Variants in GPHN observed in about 807,000 individuals in gnomAD.
GPHN encodes the protein gephyrin.
GPHN carries 17 observed loss-of-function variants against 95.5 expected under a neutral mutation model. The observed-to-expected ratio is 0.18, with a 90% confidence interval of 0.12 to 0.27. The LOEUF is 0.27. GPHN is among the 10% of genes least tolerant of loss of function. The pLI is 1.00. For missense variants in GPHN, 660 were observed against 978.1 expected, an observed-to-expected ratio of 0.67 and a Z score of 4.34; for synonymous variants, 320 against 322.5, an observed-to-expected ratio of 0.99 and a Z score of 0.08.
intron 1 of GPHN, among the ~76,000 whole-genome samples, chr14:66,621,234 C>G (rs1325313333): frequency 6.6e-6 from 1 of 151,400 alleles, no homozygotes; most frequent in East Asian, 2.0e-4. Flanking sequence ...CTCGGCCTCC[C>G]AAAGTGCTGG....
chr14:66,802,675 A>T (rs1425457492), intron 3 of GPHN, among the ~76,000 whole-genome samples: 1 of 152,080 alleles, frequency 6.6e-6, no homozygotes, highest in African/African-American at 2.4e-5. Flanking sequence ...CAGTTGATGA[A>T]TCCTGCCAGG....
At chr14:67,092,644 A>G (rs1276527321) in intron 12 of GPHN, among the ~76,000 whole-genome samples, 1 of 152,156 alleles carries the variant, frequency 6.6e-6, no homozygotes, top group African/African-American at 2.4e-5. Flanking sequence ...TAAAATGACT[A>G]AGGAAATAAG....
the GPHN span, among the ~76,000 whole-genome samples, chr14:67,491,791 A>C: frequency 6.6e-6 from 1 of 152,210 alleles, no homozygotes. Flanking sequence ...TACACCAAGG[A>C]GGGGCCAAGC....
At chr14:66,593,845 T>C (rs1237953868) in intron 1 of GPHN, among the ~76,000 whole-genome samples, 2 of 152,040 alleles carry the variant, frequency 1.3e-5, no homozygotes, top group African/African-American at 4.8e-5. Flanking sequence ...GTCAAAGAAA[T>C]AAAAAGGATT....
chr14:67,572,694 T>C, the GPHN span, among the ~76,000 whole-genome samples: 7 of 152,206 alleles, frequency 4.6e-5, no homozygotes, highest in Non-Finnish European at 1.0e-4. Flanking sequence ...TTAGCCCATC[T>C]TATGGATGAG....
chr14:66,604,909 C>A (rs2062445335), intron 1 of GPHN, among the ~76,000 whole-genome samples: 1 of 137,192 alleles, frequency 7.3e-6, no homozygotes. Context: ...TCTTTCTGTC[C>A]ATATGTATTC....
At chr14:66,801,717 G>A (rs141830434) in intron 3 of GPHN, among the ~76,000 whole-genome samples, 49 of 148,854 alleles carry the variant, frequency 3.3e-4, no homozygotes, top group African/African-American at 1.2e-3. Context: ...GACTGCACTG[G>A]ATCAGGCCTG....
the GPHN span, among the ~76,000 whole-genome samples, chr14:67,525,068 T>G: frequency 2.6e-5 from 4 of 152,204 alleles, no homozygotes; most frequent in African/African-American, 4.8e-5. Flanking sequence ...TTAAAACATT[T>G]TAATAGCTTT....
chr14:67,593,385 G>C, the GPHN span: 1 of 261,280 alleles, frequency 3.8e-6, no homozygotes, highest in South Asian at 4.4e-5. Context: ...CAGCTACTCA[G>C]GAGGCTGAGG....
At chr14:66,531,535 A>G (rs1412953566) in intron 1 of GPHN, among the ~76,000 whole-genome samples, 1 of 152,232 alleles carries the variant, frequency 6.6e-6, no homozygotes, top group Admixed American at 6.5e-5. Context: ...ATACATGACA[A>G]ACTCAAAGAT....
chr14:67,191,912 C>T, the GPHN span, among the ~76,000 whole-genome samples: 5 of 152,316 alleles, frequency 3.3e-5, no homozygotes, highest in South Asian at 4.2e-4. Context: ...TCTGCAGAAA[C>T]GTACAACCTA....
At chr14:66,813,735 A>G (rs142329739) in intron 3 of GPHN, among the ~76,000 whole-genome samples, 1,836 of 152,300 alleles carry the variant, frequency 0.012, 19 homozygotes, top group Non-Finnish European at 0.018. Flanking sequence ...CTTTAGTCCT[A>G]GGAGAACTGT....
intron 1 of GPHN, among the ~76,000 whole-genome samples, chr14:66,581,848 T>G (rs567270843): frequency 6.8e-4 from 104 of 152,102 alleles, no homozygotes; most frequent in African/African-American, 2.4e-3. Context: ...GATATAACAA[T>G]TGTAAATATA....
intron 5 of GPHN, among the ~76,000 whole-genome samples, chr14:66,911,379 A>G (rs2065667131): frequency 6.6e-6 from 1 of 152,014 alleles, no homozygotes; most frequent in African/African-American, 2.4e-5. Context: ...ATATACTTTA[A>G]AAACTATTGA....
At chr14:67,389,276 AGAAG>A in the GPHN span, among the ~76,000 whole-genome samples, 1 of 152,130 alleles carries the variant, frequency 6.6e-6, no homozygotes, top group Admixed American at 6.6e-5. Context: ...GAAAGTTCAG[AGAAG>A]GAAGGGATCC....
At chr14:67,232,082 A>G in the GPHN span, among the ~76,000 whole-genome samples, 1 of 152,148 alleles carries the variant, frequency 6.6e-6, no homozygotes, top group Non-Finnish European at 1.5e-5. Context: ...TCCTCCCTTC[A>G]AGGGATGGAG....
At chr14:67,063,363 T>C (rs150252757) in intron 11 of GPHN, among the ~76,000 whole-genome samples, 1 of 152,268 alleles carries the variant, frequency 6.6e-6, no homozygotes, top group African/African-American at 2.4e-5. Context: ...AGTCTGGTAG[T>C]GTGATGCTTC....
At chr14:67,487,553 A>G in the GPHN span, among the ~76,000 whole-genome samples, 1 of 152,204 alleles carries the variant, frequency 6.6e-6, no homozygotes, top group Non-Finnish European at 1.5e-5. Context: ...GGCGGTCAGA[A>G]CCTCATGGAA....
At chr14:67,147,277 C>T (rs2080954624) in intron 18 of GPHN, among the ~76,000 whole-genome samples, 1 of 152,156 alleles carries the variant, frequency 6.6e-6, no homozygotes, top group Non-Finnish European at 1.5e-5. Flanking sequence ...GTGCCTATTA[C>T]TCTCCTTTTC....
Sources: allele counts gnomAD v4.1 joint callset (sites outside exome capture counted in the v4.1 genomes callset), GRCh38; gene constraint gnomAD v4.1.1; transcripts MANE v1.5; gene names NCBI Gene and HGNC (gene_info 2026-07-23, HGNC 2026-07-21).